Variants in ENOX1 observed in about 807,000 individuals in gnomAD.
ENOX1 encodes candidate growth-related and time keeping constitutive hydroquinone (NADH) oxidase.
ENOX1 carries 42 observed loss-of-function variants against 82.5 expected under a neutral mutation model. The ratio of observed to expected loss-of-function variants is 0.51; its 90% CI spans 0.40 to 0.66. ENOX1 has a LOEUF of 0.66. ENOX1 is among the 30% of genes least tolerant of loss of function. ENOX1 has a pLI of 0.00. For synonymous variants in ENOX1, 271 were observed against 282.2 expected, an observed-to-expected ratio of 0.96 and a Z score of 0.40; for missense variants, 608 against 811.6, an observed-to-expected ratio of 0.75 and a Z score of 3.05.
chr13:43,330,965 G>C (rs147975709), intron 9 of ENOX1, among the ~76,000 whole-genome samples: 3 of 152,160 alleles, frequency 2.0e-5, no homozygotes, highest in African/African-American at 4.8e-5. Context: ...CATTTGCTGA[G>C]TTTAGAGCAC....
intron 2 of ENOX1, among the ~76,000 whole-genome samples, chr13:43,623,427 A>T (rs923373666): frequency 6.6e-6 from 1 of 152,026 alleles, no homozygotes; most frequent in Non-Finnish European, 1.5e-5. Context: ...GGCCCTTCTC[A>T]CTGTTTCCTC....
At chr13:43,421,869 C>A (rs899542150) in intron 3 of ENOX1, among the ~76,000 whole-genome samples, 1 of 146,742 alleles carries the variant, frequency 6.8e-6, no homozygotes, top group African/African-American at 2.5e-5. Context: ...ATATATTTTA[C>A]GTTTTATATA....
intron 2 of ENOX1, among the ~76,000 whole-genome samples, chr13:43,560,642 T>C (rs1447929282): frequency 6.6e-6 from 1 of 152,236 alleles, no homozygotes; most frequent in Non-Finnish European, 1.5e-5. Context: ...TCATGTGTAC[T>C]GCAAATATAA....
At chr13:43,693,765 T>A (rs2086493030) in intron 1 of ENOX1, among the ~76,000 whole-genome samples, 1 of 152,180 alleles carries the variant, frequency 6.6e-6, no homozygotes, top group Admixed American at 6.5e-5. Flanking sequence ...ACAATAATCA[T>A]GTCTATGATT....
intron 2 of ENOX1, among the ~76,000 whole-genome samples, chr13:43,591,453 T>C (rs2081242473): frequency 6.6e-6 from 1 of 152,028 alleles, no homozygotes; most frequent in Non-Finnish European, 1.5e-5. Flanking sequence ...ATCACACATG[T>C]AGAATACAAC....
intron 1 of ENOX1, among the ~76,000 whole-genome samples, chr13:43,682,010 C>T (rs939853022): frequency 2.0e-5 from 3 of 152,048 alleles, no homozygotes; most frequent in African/African-American, 7.2e-5. Flanking sequence ...TTCACTGCTC[C>T]TTACTCCCAG....
At chr13:43,478,624 T>A (rs1593406680) in intron 3 of ENOX1, among the ~76,000 whole-genome samples, 1 of 152,180 alleles carries the variant, frequency 6.6e-6, no homozygotes, top group Non-Finnish European at 1.5e-5. Context: ...CATGTAGTAT[T>A]CCTCATTTTA....
chr13:43,384,280 C>A (rs2052264102), intron 5 of ENOX1, among the ~76,000 whole-genome samples: 1 of 152,160 alleles, frequency 6.6e-6, no homozygotes, highest in South Asian at 2.1e-4. Context: ...TCTAAGCTGC[C>A]TCCTTATGGC....
At chr13:43,353,583 C>A (rs946989471) in intron 8 of ENOX1, among the ~76,000 whole-genome samples, 1 of 152,198 alleles carries the variant, frequency 6.6e-6, no homozygotes, top group Non-Finnish European at 1.5e-5. Flanking sequence ...TCTGGCTTTG[C>A]AACATTATAA....
intron 2 of ENOX1, chr13:43,545,368 C>T (rs756173449): frequency 1.8e-4 from 27 of 152,226 alleles, no homozygotes; most frequent in Admixed American, 7.2e-4. Context: ...CCTAGGGTGG[C>T]ATTTGCTGTC....
At chr13:43,499,076 A>C (rs1235892495) in intron 2 of ENOX1, among the ~76,000 whole-genome samples, 1 of 152,080 alleles carries the variant, frequency 6.6e-6, no homozygotes, top group Non-Finnish European at 1.5e-5. Flanking sequence ...AATATCCCTA[A>C]TGCTCTTCTA....
At chr13:43,288,001 A>G (rs894904371) in intron 12 of ENOX1, among the ~76,000 whole-genome samples, 3 of 152,226 alleles carry the variant, frequency 2.0e-5, no homozygotes, top group African/African-American at 7.2e-5. Flanking sequence ...AAATGCACAC[A>G]CTGCCAGCAG....
intron 2 of ENOX1, among the ~76,000 whole-genome samples, chr13:43,564,269 C>T (rs970405608): frequency 5.3e-5 from 8 of 152,148 alleles, no homozygotes; most frequent in South Asian, 2.1e-4. Flanking sequence ...ATCCATACTA[C>T]GCAAAGCATT....
intron 16 of ENOX1, among the ~76,000 whole-genome samples, chr13:43,220,948 T>C (rs2041754935): frequency 6.6e-6 from 1 of 152,244 alleles, no homozygotes; most frequent in Non-Finnish European, 1.5e-5. Context: ...AAACAGGATC[T>C]GAATCTCCTT....
chr13:43,701,091 G>T (rs965864879), intron 1 of ENOX1, among the ~76,000 whole-genome samples: 1 of 152,074 alleles, frequency 6.6e-6, no homozygotes, highest in Non-Finnish European at 1.5e-5. Flanking sequence ...CCTTTAGAGG[G>T]TTCCAATTAG....
At chr13:43,445,645 A>AT (rs923084754) in intron 3 of ENOX1, among the ~76,000 whole-genome samples, 3 of 152,086 alleles carry the variant, frequency 2.0e-5, no homozygotes, top group Admixed American at 6.5e-5. Context: ...CAAAGAGGGC[A>AT]TTTTTTAAAA....
In ENOX1 at chr13:43,412,980, C is replaced by A. The variant is rs1352209475; in HGVS notation, c.-66G>T. The A allele has an allele frequency of 1.3e-6, 2 of 1,585,716 alleles. No individual in the cohort carries two copies. The highest frequency in any genetic ancestry group is 2.3e-5 in the South Asian group (2 of 86,496). On this transcript the variant is annotated 5_prime_UTR_variant, in exon 4 of 17. It removes an upstream start codon present in the reference 5' UTR. Transcript: ENST00000690772. ...CTGAGTGCAGGGTCCCCTCGGAGGT[C>A]ATCAGATTCTGCAAAACGGGACAGA...
intron 12 of ENOX1, among the ~76,000 whole-genome samples, chr13:43,291,597 G>A (rs1042669648): frequency 6.6e-6 from 1 of 151,696 alleles, no homozygotes; most frequent in South Asian, 2.1e-4. Context: ...ATATGTTTCC[G>A]GGCAGCCAGA....
chr13:43,488,994 G>C (rs1436005557), intron 2 of ENOX1, among the ~76,000 whole-genome samples: 2 of 152,126 alleles, frequency 1.3e-5, no homozygotes, highest in Admixed American at 6.6e-5. Flanking sequence ...TTTTCAGCTT[G>C]GACATGTGGA....
Sources: allele counts gnomAD v4.1 joint callset (sites outside exome capture counted in the v4.1 genomes callset), GRCh38; gene constraint gnomAD v4.1.1; transcripts MANE v1.5; gene names NCBI Gene and HGNC (gene_info 2026-07-23, HGNC 2026-07-21).